CDYL2: variants seen among roughly 807,000 people sequenced by gnomAD.
CDYL2 encodes the protein chromodomain Y-like protein 2.
Under a neutral mutation model 49.4 loss-of-function variants are expected in CDYL2, and 23 were observed. The ratio of observed to expected loss-of-function variants is 0.47; its 90% CI spans 0.34 to 0.66. The LOEUF (loss-of-function observed/expected upper bound fraction) is 0.66. Ranked by LOEUF, CDYL2 falls within the 30% of genes least tolerant of loss-of-function variation. The pLI, the probability that CDYL2 is intolerant of heterozygous loss-of-function variation, is 0.01. For missense variants in CDYL2, 678 were observed against 656.4 expected, an observed-to-expected ratio of 1.03 and a Z score of -0.36; for synonymous variants, 360 against 268.8, an observed-to-expected ratio of 1.34 and a Z score of -3.32.
intron 1 of CDYL2, among the ~76,000 whole-genome samples, chr16:80,774,040 G>A (rs1906997637): frequency 6.6e-6 from 1 of 152,210 alleles, no homozygotes; most frequent in Non-Finnish European, 1.5e-5. Flanking sequence ...GTGAAGACTT[G>A]ATAATGAAAC....
chr16:80,759,424 G>A (rs1027875971), intron 1 of CDYL2, among the ~76,000 whole-genome samples: 3 of 151,862 alleles, frequency 2.0e-5, no homozygotes, highest in African/African-American at 7.3e-5. Context: ...GCTTCAATAC[G>A]AACTGAACTC....
intron 1 of CDYL2, among the ~76,000 whole-genome samples, chr16:80,709,309 G>A (rs558264926): frequency 2.1e-4 from 32 of 151,854 alleles, no homozygotes; most frequent in African/African-American, 7.3e-4. Flanking sequence ...TTGAACCCGG[G>A]GAGTGGAGGT....
At position 80,649,805 on chromosome 16, in the gene CDYL2, A is replaced by T. The variant is rs570403464; in HGVS notation, c.617-16569T>A. On this transcript the variant is annotated intron_variant, in intron 2 of 6. Transcript: ENST00000570137. ...AGAACAGAATAGAGAACCCAGAAAC[A>T]AATCCACACACCTACAGTGAACCCA... Among the ~76,000 whole-genome samples the T allele has an allele frequency of 4.6e-5, 7 of 152,330 alleles. No individual in the cohort carries two copies. In the South Asian group the frequency reaches 1.5e-3, roughly 32 times the overall value.
chr16:80,692,098 A>G (rs1910439915), intron 1 of CDYL2, among the ~76,000 whole-genome samples: 1 of 152,214 alleles, frequency 6.6e-6, no homozygotes. Context: ...AGTCCAACAA[A>G]GAGAAAAAAA....
At chr16:80,605,745 T>C (rs72824118) in intron 6 of CDYL2, among the ~76,000 whole-genome samples, 352 of 152,196 alleles carry the variant, frequency 2.3e-3, no homozygotes, top group Non-Finnish European at 4.1e-3. Context: ...TGTAGTAATA[T>C]TTGTAATAAC....
intron 1 of CDYL2, among the ~76,000 whole-genome samples, chr16:80,729,587 T>G (rs1905263790): frequency 6.6e-6 from 1 of 152,090 alleles, no homozygotes; most frequent in Non-Finnish European, 1.5e-5. Context: ...AACTCAGCTC[T>G]GCACCAAGCA....
At chr16:80,604,776 G>A (rs575887255) in intron 6 of CDYL2, among the ~76,000 whole-genome samples, 126 of 152,300 alleles carry the variant, frequency 8.3e-4, no homozygotes, top group African/African-American at 2.9e-3. Context: ...TGGGGCCCAT[G>A]TCACCCCAGA....
At chr16:80,687,556 G>A (rs1232913633) in intron 1 of CDYL2, among the ~76,000 whole-genome samples, 1 of 150,514 alleles carries the variant, frequency 6.6e-6, no homozygotes, top group Non-Finnish European at 1.5e-5. Flanking sequence ...ATGGATGGAT[G>A]GCTGGCTGGC....
At chr16:80,739,779 C>G (rs1905671667) in intron 1 of CDYL2, among the ~76,000 whole-genome samples, 1 of 152,214 alleles carries the variant, frequency 6.6e-6, no homozygotes, top group Admixed American at 6.5e-5. Flanking sequence ...AGGTCACTGC[C>G]TTACTCCCTG....
intron 2 of CDYL2, among the ~76,000 whole-genome samples, chr16:80,646,641 C>G (rs1177073352): frequency 2.6e-5 from 4 of 151,998 alleles, no homozygotes; most frequent in Non-Finnish European, 5.9e-5. Context: ...ATACAAAAAT[C>G]AGCTGGGCAG....
At chr16:80,777,998 T>C (rs370027098) in intron 1 of CDYL2, among the ~76,000 whole-genome samples, 2 of 151,992 alleles carry the variant, frequency 1.3e-5, no homozygotes, top group South Asian at 2.1e-4. Flanking sequence ...GTGTGTGCTA[T>C]TAAATATGGA....
chr16:80,681,756 C>G (rs916218492), intron 2 of CDYL2, among the ~76,000 whole-genome samples: 1 of 152,218 alleles, frequency 6.6e-6, no homozygotes, highest in Non-Finnish European at 1.5e-5. Context: ...TCCATGGAGC[C>G]AGCCTCGGGC....
At position 80,605,491 on chromosome 16, in the gene CDYL2, A is replaced by G. The variant is rs115263118; in HGVS notation, c.1363-945T>C. 9.0e-3 allele frequency among the ~76,000 whole-genome samples: 1,344 copies of G among 149,528 alleles called. 17 individuals are homozygous for G. Among genetic ancestry groups the G allele is most frequent in the African/African-American group, 0.03 (1,251 of 41,060 alleles). ...CATCATAGTAATGAGCAATAATCAT[A>G]GTAATAATAGTCACAACAAAGAGCA... On this transcript the variant is annotated intron_variant, in intron 6 of 6. Transcript: ENST00000570137.
chr16:80,742,182 G>A (rs1004347062), intron 1 of CDYL2: 5 of 152,260 alleles, frequency 3.3e-5, no homozygotes, highest in African/African-American at 7.2e-5. Flanking sequence ...CCCAGGCAGT[G>A]TGCCTACCTA....
chr16:80,717,686 G>A (rs534881329), intron 1 of CDYL2, among the ~76,000 whole-genome samples: 20 of 152,330 alleles, frequency 1.3e-4, no homozygotes, highest in Admixed American at 6.5e-5. Context: ...GCAGTGAAGT[G>A]GACAGACAAG....
At chr16:80,619,907 G>A (rs1245910901) in intron 4 of CDYL2, among the ~76,000 whole-genome samples, 1 of 152,180 alleles carries the variant, frequency 6.6e-6, no homozygotes, top group Non-Finnish European at 1.5e-5. Context: ...CTCCCTCTGT[G>A]TGGCCCCTCC....
intron 1 of CDYL2, among the ~76,000 whole-genome samples, chr16:80,774,306 A>C (rs1372951833): frequency 6.6e-6 from 1 of 152,060 alleles, no homozygotes; most frequent in Non-Finnish European, 1.5e-5. Context: ...GCTGAAAGAC[A>C]AATGCTATGC....
intron 2 of CDYL2, among the ~76,000 whole-genome samples, chr16:80,676,282 G>A (rs1275274177): frequency 6.6e-6 from 1 of 152,194 alleles, no homozygotes. Flanking sequence ...TACTGACTTG[G>A]AAAAATCATC....
rs186471288 is a variant in CDYL2 at position 80,630,970 on chromosome 16, T to C, written c.834+2049A>G. Among the ~76,000 whole-genome samples the C allele has an allele frequency of 4.3e-4, 66 of 152,066 alleles. 1 individual carries two copies. The highest frequency in any genetic ancestry group is 8.4e-4 in the Non-Finnish European group (57 of 68,010). On this transcript the variant is annotated intron_variant, in intron 3 of 6. Transcript: ENST00000570137. Reference sequence around the variant, plus strand: ...TCCCTTGACTTCATCCTCCAAAACATACCCTTCTCATTAACCTCCCATTGC... The same window carrying C: ...TCCCTTGACTTCATCCTCCAAAACACACCCTTCTCATTAACCTCCCATTGC...
Sources: gnomAD v4.1 joint callset for allele counts (sites outside exome capture counted in the v4.1 genomes callset) on GRCh38, gnomAD v4.1.1 for gene constraint, MANE v1.5 for transcripts, NCBI Gene and HGNC (gene_info 2026-07-23, HGNC 2026-07-21) for gene names.